Variants in FAM228B observed in about 807,000 individuals in gnomAD.
The protein encoded by FAM228B is protein FAM228B.
A neutral mutation model predicts 42.6 loss-of-function variants in FAM228B; 38 were observed. The observed-to-expected ratio is 0.89, with a 90% CI of 0.69 to 1.17. The LOEUF is 1.17. FAM228B is among the 50% of genes most tolerant of loss of function. The pLI, the probability that FAM228B is intolerant of heterozygous loss-of-function variation, is 0.00. For missense variants in FAM228B, 344 were observed against 367.3 expected, an observed-to-expected ratio of 0.94 and a Z score of 0.52; for synonymous variants, 109 against 122.3, an observed-to-expected ratio of 0.89 and a Z score of 0.72.
intron 3 of FAM228B, 60 bp from the exon 4 acceptor site, chr2:24,137,849 A>G (rs1666627184): frequency 1.5e-6 from 2 of 1,296,210 alleles, no homozygotes; most frequent in Non-Finnish European, 2.1e-6. Context: ...AGTTTTGGAA[A>G]ATTTTAGAAC....
At chr2:24,141,068 A>G (rs10169803) in intron 5 of FAM228B, among the ~76,000 whole-genome samples, 17,872 of 151,886 alleles carry the variant, frequency 0.12, 1,245 homozygotes, top group South Asian at 0.18. Context: ...TTTCTTGCAC[A>G]TATAAAATAG....
Position 24,115,907 on chromosome 2 carries a change from C to CA in FAM228B, c.-120-19194dup, listed in dbSNP as rs35038662. On this transcript the variant is annotated intron_variant, in intron 3 of 10. Coordinates refer to the FAM228B transcript ENST00000613899. ...CTGGAGTATGAATTGGGTTCCCATGCAAAAAAAAAAAAAAAAAAGGATGAA... is the reference window on the plus strand; with the variant it reads ...CTGGAGTATGAATTGGGTTCCCATGCAAAAAAAAAAAAAAAAAAAGGATGAA... Among the ~76,000 whole-genome samples, 442 of 116,978 alleles carry CA rather than the reference C, an allele frequency of 3.8e-3. 1 individual carries two copies. Among genetic ancestry groups the CA allele is most frequent in the African/African-American group, 0.012 (355 of 30,528 alleles). The allele number at this position is 116,978 out of a possible 152,430, so 76.7% of individuals were successfully genotyped here. A position where few individuals can be genotyped will look rare whatever the true frequency, so the allele number is the denominator to read the frequency against.
intron 2 of FAM228B, among the ~76,000 whole-genome samples, chr2:24,090,459 C>T (rs946405544): frequency 6.7e-6 from 1 of 149,590 alleles, no homozygotes; most frequent in African/African-American, 2.5e-5. Flanking sequence ...TGGTGCACGC[C>T]TGTAGTCCCA....
At chr2:24,151,453 G>T (rs1481010675) in intron 7 of FAM228B, among the ~76,000 whole-genome samples, 1 of 151,532 alleles carries the variant, frequency 6.6e-6, no homozygotes, top group African/African-American at 2.4e-5. Context: ...ACCACGTCCG[G>T]CTAATTTTTT....
chr2:24,138,245 T>G, intron 4 of FAM228B, 145 bp downstream of exon 4: 1 of 600,134 alleles, frequency 1.7e-6, no homozygotes, highest in Non-Finnish European at 2.8e-6. Flanking sequence ...TAAAGTATTC[T>G]TAAACCCAGG....
intron 3 of FAM228B, chr2:24,115,480 G>A: frequency 1.0e-6 from 1 of 967,446 alleles, no homozygotes; most frequent in Non-Finnish European, 1.6e-6. Flanking sequence ...TTCTTTTTTA[G>A]TGCCTTCTGT....
chr2:24,166,092 TAG>T (rs1667405371), intron 9 of FAM228B: 4 of 147,324 alleles, frequency 2.7e-5, no homozygotes, highest in Admixed American at 1.4e-4. Context: ...CACATATATA[TAG>T]ATAGATAGAT....
intron 3 of FAM228B, among the ~76,000 whole-genome samples, chr2:24,117,723 G>T (rs1665967609): frequency 6.6e-6 from 1 of 152,182 alleles, no homozygotes; most frequent in Admixed American, 6.5e-5. Context: ...GATTACAGGT[G>T]TGAGCCACCC....
rs1664826053 is a variant in FAM228B, at chr2:24,077,821, T to A, written c.-290+852T>A. 1.9e-6 allele frequency: 3 copies of A among 1,551,744 alleles called. No homozygotes were observed. Among genetic ancestry groups the A allele is most frequent in the Non-Finnish European group, 2.6e-6 (3 of 1,144,330 alleles). ...AGAGAGCCTCACCCTGCCCTCCTCA[T>A]CCTCCTCAGCCTTCTTGCTCTCTCT... On this transcript the variant is annotated intron_variant, in intron 1 of 10. Coordinates refer to the FAM228B transcript ENST00000613899. The surrounding 1 kb of genome is among the most constrained non-coding windows in gnomAD (Gnocchi z 5.5).
chr2:24,161,644 C>T (rs1392166833), intron 8 of FAM228B, 31 bp downstream of exon 8: 15 of 1,324,896 alleles, frequency 1.1e-5, no homozygotes, highest in Non-Finnish European at 1.5e-5. Context: ...CTTTGCTCTT[C>T]TTTTGCTAAG....
intron 9 of FAM228B, among the ~76,000 whole-genome samples, chr2:24,164,917 T>C (rs1167016374): frequency 6.6e-6 from 1 of 151,996 alleles, no homozygotes; most frequent in East Asian, 1.9e-4. Context: ...GCTTGTTCTC[T>C]GTGGACCCTG....
chr2:24,137,938 C>A lies in FAM228B; in HGVS notation c.198C>A (p.Ala66=). The part of the protein sequence containing the change: ...KELDKYLQHH[A]FLNARRKEML... ...TAGATAAGTATTTACAACATCATGC[C>A]TTCTTAAATGCAAGAAGAAAGGAGA... The change falls in exon 4 of 11, where the codon GCC becomes GCA. Residue 66 remains alanine (A), a synonymous_variant. Transcript: ENST00000615575. 1 of 1,538,254 alleles carries A rather than the reference C, an allele frequency of 6.5e-7. No individual in the cohort carries two copies. The highest frequency in any genetic ancestry group is 1.4e-5 in the African/African-American group (1 of 71,946).
intron 5 of FAM228B, among the ~76,000 whole-genome samples, chr2:24,140,776 A>G (rs1489333975): frequency 6.6e-6 from 1 of 151,838 alleles, no homozygotes; most frequent in African/African-American, 2.4e-5. Flanking sequence ...AGCCTGGCCA[A>G]CATGGTGAAA....
At chr2:24,132,401 G>A (rs1283722412) in intron 2 of FAM228B, among the ~76,000 whole-genome samples, 1 of 150,532 alleles carries the variant, frequency 6.6e-6, no homozygotes, top group Non-Finnish European at 1.5e-5. Context: ...CAGAAGGAAT[G>A]GTACGAGCCC....
intron 7 of FAM228B, among the ~76,000 whole-genome samples, chr2:24,147,591 CTTAT>C (rs1666928469): frequency 6.6e-6 from 1 of 151,676 alleles, no homozygotes; most frequent in African/African-American, 2.4e-5. Flanking sequence ...TCTTTTTTTC[CTTAT>C]TTGTTTTTCA....
chr2:24,079,179 A>G, intron 1 of FAM228B: 1 of 442,674 alleles, frequency 2.3e-6, no homozygotes, highest in Non-Finnish European at 4.1e-6. Context: ...ACTTCCTAAT[A>G]TAGTCAGTGC....
intron 7 of FAM228B, among the ~76,000 whole-genome samples, chr2:24,155,609 T>C (rs180671413): frequency 0.024 from 3,389 of 143,760 alleles, 57 homozygotes; most frequent in East Asian, 0.074. Context: ...GGCCTGATCT[T>C]GGCTCACTGC....
intron 1 of FAM228B, among the ~76,000 whole-genome samples, chr2:24,078,195 C>T (rs1447925792): frequency 6.6e-6 from 1 of 152,164 alleles, no homozygotes; most frequent in Non-Finnish European, 1.5e-5. Flanking sequence ...CCCCCACCCC[C>T]ATATATCTCC....
Position 24,124,377 on chromosome 2 carries a change from A to C in FAM228B, c.16A>C (p.Ser6Arg). The change falls in exon 2 of 11, where the codon AGT becomes CGT. Residue 6 changes from serine (S) to arginine (R), a missense_variant. By Grantham distance (110) the Ser-to-Arg change is moderately radical. Transcript: ENST00000615575. ...TGTGACCACAATGAAAAATGTAGAC[A>C]GTGATGATCTGGTAACTGGCACACT... is the stretch of plus-strand genomic sequence containing the variant. Reference protein sequence around the residue: MKNVDSDDLVTGTLPK... With the variant: MKNVDRDDLVTGTLPK... 6.5e-7 allele frequency: 1 copy of C among 1,549,600 alleles called. No homozygotes were observed. The highest frequency in any genetic ancestry group is 8.7e-7 in the Non-Finnish European group (1 of 1,146,196).
Sources: gnomAD v4.1 joint callset for allele counts (sites outside exome capture counted in the v4.1 genomes callset) on GRCh38, gnomAD v4.1.1 for gene constraint, Gnocchi (gnomAD v3.1) non-coding constraint, MANE v1.5 for transcripts, NCBI Gene and HGNC (gene_info 2026-07-23, HGNC 2026-07-21) for gene names.